The following SPOCK1 variants were observed in gnomAD, a reference collection of about 807,000 sequenced individuals.
SPOCK1 encodes SPARC (osteonectin), cwcv and kazal like domains proteoglycan 1.
SPOCK1 carries 23 observed loss-of-function variants against 55.3 expected under a neutral mutation model. That is an observed-to-expected ratio of 0.42 (90% CI 0.30 to 0.59). The LOEUF (loss-of-function observed/expected upper bound fraction) is 0.59, where lower values mean the gene tolerates loss of function less well. Among genes scored for constraint, SPOCK1 ranks in the 20% least tolerant of loss-of-function variants. SPOCK1 has a pLI of 0.22. For synonymous variants in SPOCK1, 226 were observed against 221.0 expected (o/e 1.02, Z -0.20); for missense variants, 499 against 552.5 (o/e 0.90, Z 0.97).
chr5:137,284,867 C>A (rs576222314), intron 2 of SPOCK1, among the ~76,000 whole-genome samples: 1 of 152,298 alleles, frequency 6.6e-6, no homozygotes, highest in Non-Finnish European at 1.5e-5. Context: ...GAGGGAACAG[C>A]TGGTCCCAAA....
At chr5:137,160,142 C>G (rs1754497638) in intron 3 of SPOCK1, among the ~76,000 whole-genome samples, 1 of 151,366 alleles carries the variant, frequency 6.6e-6, no homozygotes, top group Non-Finnish European at 1.5e-5. Flanking sequence ...CCCCAAAGTC[C>G]ATTGTATCAT....
At chr5:137,018,187 A>G (rs1057316550) in intron 6 of SPOCK1, among the ~76,000 whole-genome samples, 3 of 152,358 alleles carry the variant, frequency 2.0e-5, no homozygotes, top group Non-Finnish European at 2.9e-5. Flanking sequence ...ATCAGCCCCC[A>G]GCACAGAAAA....
Position 136,993,971 on chromosome 5 carries a change from A to G in SPOCK1, c.590-1371T>C, listed in dbSNP as rs548619966. ...GATCCTCTCCTCATTTTTATCATCCACATATGCTTATCAGGCAAGCCCATT... is the reference window on the plus strand; with the variant it reads ...GATCCTCTCCTCATTTTTATCATCCGCATATGCTTATCAGGCAAGCCCATT... On this transcript the variant is annotated intron_variant, in intron 6 of 10. Transcript: ENST00000394945. 3.9e-4 allele frequency among the ~76,000 whole-genome samples: 60 copies of G among 152,302 alleles called. No homozygotes were observed. The South Asian group carries it at 0.01, about 26-fold the overall frequency.
At chr5:137,386,615 A>C (rs1751603718) in intron 2 of SPOCK1, among the ~76,000 whole-genome samples, 1 of 152,236 alleles carries the variant, frequency 6.6e-6, no homozygotes, top group Non-Finnish European at 1.5e-5. Flanking sequence ...ATCTACAAGC[A>C]AAGAAAAAAT....
chr5:137,381,492 A>G lies in SPOCK1; in HGVS notation c.187-114437T>C, dbSNP rs371640120. 1.4e-3 allele frequency among the ~76,000 whole-genome samples: 208 copies of G among 152,334 alleles called. 1 individual carries two copies. The highest frequency in any genetic ancestry group is 4.8e-3 in the African/African-American group (198 of 41,574). The stretch of plus-strand genomic sequence containing the variant: ...GCAGCACACTTCTGCCTAAACATCC[A>G]GGCAAGTCCATACATCCTCTGAAAT... On this transcript the variant is annotated intron_variant, in intron 2 of 10. Transcript: ENST00000394945.
chr5:137,179,702 G>C (rs1052440228), intron 3 of SPOCK1, among the ~76,000 whole-genome samples: 2 of 152,180 alleles, frequency 1.3e-5, no homozygotes, highest in African/African-American at 4.8e-5. Context: ...CCAAGAGTAT[G>C]AGGTATAAGA....
chr5:137,234,326 G>T (rs918147768), intron 3 of SPOCK1, among the ~76,000 whole-genome samples: 3 of 152,098 alleles, frequency 2.0e-5, no homozygotes, highest in Non-Finnish European at 4.4e-5. Flanking sequence ...TCTTCTGCTG[G>T]GTGGTGGGTC....
chr5:137,067,812 A>G lies in SPOCK1; in HGVS notation c.492T>C (p.His164=). The stretch of plus-strand genomic sequence containing the variant: ...CGAGGCTTTTGCCAGTAGAACAAGC[A>G]TGGAACTCCAATTTGCACTGCAAAA... ...SYTSKCKLEF[H]ACSTGKSLAT... is the part of the protein sequence containing the mutation. Residue 164 remains histidine, a synonymous_variant, in exon 6 of 11, where the codon CAT becomes CAC. Transcript: ENST00000394945. 6.2e-7 allele frequency: 1 copy of G among 1,614,138 alleles called. No homozygotes were observed. The highest frequency in any genetic ancestry group is 1.3e-5 in the African/African-American group (1 of 75,030).
chr5:137,457,371 A>G (rs1336729377), intron 2 of SPOCK1, among the ~76,000 whole-genome samples: 1 of 152,162 alleles, frequency 6.6e-6, no homozygotes, highest in African/African-American at 2.4e-5. Flanking sequence ...GCTTGAGGAG[A>G]CTGATGAATA....
intron 3 of SPOCK1, among the ~76,000 whole-genome samples, chr5:137,207,118 T>C (rs573878779): frequency 5.9e-4 from 90 of 152,320 alleles, no homozygotes; most frequent in Admixed American, 1.6e-3. Flanking sequence ...CAGTCTCAGG[T>C]CTCCAGAATG....
chr5:137,364,854 C>G (rs1751022924), intron 2 of SPOCK1: 1 of 152,220 alleles, frequency 6.6e-6, no homozygotes, highest in South Asian at 2.1e-4. Flanking sequence ...AAAGGTTCCT[C>G]ATTTGTAAAA....
chr5:137,146,838 A>G (rs868250964), intron 3 of SPOCK1, among the ~76,000 whole-genome samples: 6 of 152,180 alleles, frequency 3.9e-5, no homozygotes, highest in African/African-American at 1.4e-4. Context: ...CAAAGGGCCT[A>G]TTAGACATGT....
At chr5:137,262,918 C>T (rs1756776779) in intron 3 of SPOCK1, among the ~76,000 whole-genome samples, 1 of 152,170 alleles carries the variant, frequency 6.6e-6, no homozygotes. Flanking sequence ...TTCCTATATG[C>T]CAGGCATATT....
At chr5:137,153,907 CA>C (rs1218524406) in intron 3 of SPOCK1, among the ~76,000 whole-genome samples, 6 of 151,168 alleles carry the variant, frequency 4.0e-5, no homozygotes, top group Admixed American at 6.6e-5. Context: ...AGAAAGAAGG[CA>C]GGGAGAGGAA....
chr5:137,204,958 TG>T (rs1755493725), intron 3 of SPOCK1, among the ~76,000 whole-genome samples: 1 of 152,228 alleles, frequency 6.6e-6, no homozygotes, highest in Admixed American at 6.5e-5. Context: ...TTTGCTTGGC[TG>T]GCTCCCTCTT....
intron 3 of SPOCK1, among the ~76,000 whole-genome samples, chr5:137,178,259 G>T (rs1279191488): frequency 6.6e-6 from 1 of 152,192 alleles, no homozygotes; most frequent in African/African-American, 2.4e-5. Flanking sequence ...AAATTTGTCT[G>T]TTTAGCTCTC....
chr5:137,464,499 A>T (rs1273381506), intron 2 of SPOCK1, among the ~76,000 whole-genome samples: 2 of 150,310 alleles, frequency 1.3e-5, no homozygotes, highest in Non-Finnish European at 3.0e-5. Flanking sequence ...TGTGGCAAGA[A>T]ATGGTATGGG....
At chr5:137,031,339 G>A (rs1178220262) in intron 6 of SPOCK1, among the ~76,000 whole-genome samples, 4 of 152,120 alleles carry the variant, frequency 2.6e-5, no homozygotes, top group African/African-American at 2.4e-5. Context: ...AAAATTCACC[G>A]GCTCTCATGT....
Position 136,977,973 on chromosome 5 carries a change from A to AC in SPOCK1, c.*680dup. ...AGAGGTATGGGTGTGTGTGCAAGGC[A>AC]CACACATACAGTCTTTCTGTACATG... is the stretch of plus-strand genomic sequence containing the variant. On this transcript the variant is annotated 3_prime_UTR_variant, in exon 11 of 11. Transcript: ENST00000394945. 2 of 398,962 alleles carry AC rather than the reference A, an allele frequency of 5.0e-6. No individual in the cohort carries two copies. Among genetic ancestry groups the AC allele is most frequent in the Middle Eastern group, 6.3e-4 (1 of 1,588 alleles). The allele number at this position is 398,962 out of a possible 1,614,324, so 24.7% of individuals were successfully genotyped here.
Sources: allele counts gnomAD v4.1 joint callset (sites outside exome capture counted in the v4.1 genomes callset), GRCh38; gene constraint gnomAD v4.1.1; transcripts MANE v1.5; gene names NCBI Gene and HGNC (gene_info 2026-07-23, HGNC 2026-07-21).